Variants in MYT1L observed in about 807,000 individuals in gnomAD.
The protein encoded by MYT1L is myelin transcription factor 1-like protein.
In MYT1L, 12 loss-of-function variants were observed where a neutral mutation model predicts 126.7. The ratio of observed to expected loss-of-function variants is 0.09; its 90% CI spans 0.06 to 0.15. MYT1L has a LOEUF of 0.15. Ranked by LOEUF, MYT1L falls within the 10% of genes least tolerant of loss-of-function variation. The pLI, the probability that MYT1L is intolerant of heterozygous loss-of-function variation, is 1.00. For synonymous variants in MYT1L, 541 were observed against 604.2 expected (o/e 0.90, Z 1.53); for missense variants, 979 against 1,585.2 (o/e 0.62, Z 6.49).
intron 18 of MYT1L, among the ~76,000 whole-genome samples, chr2:1,879,907 T>C (rs1048659958): frequency 6.6e-6 from 1 of 152,262 alleles, no homozygotes; most frequent in Non-Finnish European, 1.5e-5. Context: ...GATGTTTGTA[T>C]TAAATGTTTC....
intron 19 of MYT1L, among the ~76,000 whole-genome samples, chr2:1,845,900 G>A (rs1163271636): frequency 6.6e-6 from 1 of 152,108 alleles, no homozygotes; most frequent in East Asian, 1.9e-4. Flanking sequence ...CCTTTGCTTG[G>A]AATATCCTTC....
chr2:2,275,321 G>C (rs2095340625), intron 2 of MYT1L, among the ~76,000 whole-genome samples: 2 of 151,804 alleles, frequency 1.3e-5, no homozygotes, highest in South Asian at 4.2e-4. Context: ...TTCTGGGCAG[G>C]ACCTTCATCT....
At chr2:2,312,078 G>A (rs1158578621) in intron 1 of MYT1L, among the ~76,000 whole-genome samples, 19 of 152,168 alleles carry the variant, frequency 1.2e-4, no homozygotes, top group Admixed American at 1.2e-3. Context: ...ACTTTACACA[G>A]CACCTCTAGC....
chr2:2,236,035 G>A (rs534291149), intron 2 of MYT1L, among the ~76,000 whole-genome samples: 65 of 152,110 alleles, frequency 4.3e-4, no homozygotes, highest in Admixed American at 3.2e-3. Flanking sequence ...AACAGATTAC[G>A]AAACAACCCA....
At chr2:2,279,667 C>T (rs1268737358) in intron 2 of MYT1L, among the ~76,000 whole-genome samples, 2 of 152,180 alleles carry the variant, frequency 1.3e-5, no homozygotes, top group African/African-American at 2.4e-5. Context: ...GGTTGCTTTT[C>T]CCTATCAGTT....
intron 2 of MYT1L, among the ~76,000 whole-genome samples, chr2:2,182,508 A>C (rs558682568): frequency 9.9e-5 from 15 of 152,088 alleles, no homozygotes; most frequent in East Asian, 9.7e-4. Context: ...TGTACCCCCC[A>C]CACTCTTTCT....
At chr2:2,306,492 C>T (rs751543266) in intron 1 of MYT1L, among the ~76,000 whole-genome samples, 5 of 152,154 alleles carry the variant, frequency 3.3e-5, no homozygotes, top group Non-Finnish European at 5.9e-5. Context: ...CTCCCAGAAA[C>T]GCAGCAAAAC....
chr2:2,213,413 T>G (rs1481942026), intron 2 of MYT1L, among the ~76,000 whole-genome samples: 1 of 151,702 alleles, frequency 6.6e-6, no homozygotes, highest in Non-Finnish European at 1.5e-5. Flanking sequence ...ATCCTGGGGG[T>G]GCACAGAGGG....
At chr2:2,285,208 A>G (rs574114549) in intron 1 of MYT1L, among the ~76,000 whole-genome samples, 2 of 152,284 alleles carry the variant, frequency 1.3e-5, no homozygotes, top group Non-Finnish European at 2.9e-5. Flanking sequence ...GTTGCAAGAG[A>G]AGGTTCTGGA....
intron 8 of MYT1L, among the ~76,000 whole-genome samples, chr2:1,949,319 C>T (rs2057522605): frequency 6.6e-6 from 1 of 152,234 alleles, no homozygotes; most frequent in Non-Finnish European, 1.5e-5. Context: ...TCCATGTTTT[C>T]ACCCTATTTA....
At chr2:1,937,769 C>T (rs74963126) in intron 9 of MYT1L, among the ~76,000 whole-genome samples, 2,433 of 152,226 alleles carry the variant, frequency 0.016, 54 homozygotes, top group South Asian at 0.091. Flanking sequence ...CCCTAATGTC[C>T]GCGGCCATCA....
intron 2 of MYT1L, among the ~76,000 whole-genome samples, chr2:2,190,585 A>C (rs2092536745): frequency 6.6e-6 from 1 of 151,424 alleles, no homozygotes; most frequent in Non-Finnish European, 1.5e-5. Context: ...AAAGAAGAAG[A>C]AAGCTCACAG....
intron 3 of MYT1L, among the ~76,000 whole-genome samples, chr2:2,172,163 A>G (rs1325038053): frequency 2.0e-5 from 3 of 152,138 alleles, no homozygotes; most frequent in African/African-American, 7.2e-5. Flanking sequence ...CAGCCCTAAA[A>G]ATATGTGCTG....
chr2:1,806,197 C>A lies in MYT1L; in HGVS notation c.3172+2879G>T, dbSNP rs1363476220. The stretch of plus-strand genomic sequence containing the variant: ...AAGAAAGAACTATCTCAGTTTGGTG[C>A]AAACAGTGTCAGGAATCGACAGCCC... On this transcript the variant is annotated intron_variant, in intron 22 of 24. Coordinates refer to ENST00000647738, the MANE Select transcript of MYT1L (RefSeq NM_001303052.2). This position sits in a 1 kb window ranked among gnomAD's most constrained non-coding sequence, Gnocchi z 4.9. 1.3e-5 allele frequency among the ~76,000 whole-genome samples: 2 copies of A among 152,174 alleles called. No homozygotes were observed. Among genetic ancestry groups the A allele is most frequent in the African/African-American group, 2.4e-5 (1 of 41,442 alleles).
At position 2,062,333 on chromosome 2, in the gene MYT1L, ATCT is replaced by A. The variant is rs145769949; in HGVS notation, c.-303-8213_-303-8211del. ...TATCCCAAATTCCCAATTACGTCCT[ATCT>A]TCTTCTTAGGGAAGAACAGCTTAGG... On this transcript the variant is annotated intron_variant, in intron 3 of 24. Coordinates refer to ENST00000647738, the MANE Select transcript of MYT1L (RefSeq NM_001303052.2). Among the ~76,000 whole-genome samples the A allele has an allele frequency of 2.9e-3, 443 of 152,272 alleles. 7 individuals carry two copies. The highest frequency in any genetic ancestry group is 0.023 in the Admixed American group (346 of 15,290).
At chr2:2,175,147 C>T (rs2090580993) in intron 2 of MYT1L, among the ~76,000 whole-genome samples, 1 of 152,032 alleles carries the variant, frequency 6.6e-6, no homozygotes, top group Non-Finnish European at 1.5e-5. Context: ...GGGCCTCCAC[C>T]GTGGGGCACT....
At chr2:1,975,401 A>T (rs1348094389) in intron 8 of MYT1L, among the ~76,000 whole-genome samples, 2 of 152,226 alleles carry the variant, frequency 1.3e-5, no homozygotes, top group East Asian at 3.8e-4. Context: ...GAAACATTTG[A>T]TTTCCTTAAA....
At chr2:1,904,620 C>T (rs548549465) in intron 13 of MYT1L, among the ~76,000 whole-genome samples, 5 of 151,934 alleles carry the variant, frequency 3.3e-5, no homozygotes, top group African/African-American at 4.8e-5. Context: ...ATCCACCCAC[C>T]TTGGCCTCCC....
intron 15 of MYT1L, 38 bp downstream of exon 15, chr2:1,891,999 C>T: frequency 6.8e-7 from 1 of 1,473,154 alleles, no homozygotes; most frequent in Non-Finnish European, 9.0e-7. Flanking sequence ...CGGCCTCCCC[C>T]ACCCGCCAGG....
Sources: gnomAD v4.1 joint callset for allele counts (sites outside exome capture counted in the v4.1 genomes callset) on GRCh38, gnomAD v4.1.1 for gene constraint, Gnocchi (gnomAD v3.1) non-coding constraint, MANE v1.5 for transcripts, NCBI Gene and HGNC (gene_info 2026-07-23, HGNC 2026-07-21) for gene names.